The following SORBS2 variants were observed in gnomAD, a reference collection of about 807,000 sequenced individuals.
The protein encoded by SORBS2 is sorbin and SH3 domain containing 2, also known as sorbin and SH3 domain-containing protein 2.
Under a neutral mutation model 97.7 loss-of-function variants are expected in SORBS2, and 46 were observed. The observed-to-expected ratio is 0.47, with a 90% CI of 0.37 to 0.60. The LOEUF is 0.60. SORBS2 is among the 20% of genes least tolerant of loss of function. The pLI, the probability that SORBS2 is intolerant of heterozygous loss-of-function variation, is 0.00. For synonymous variants in SORBS2, 476 were observed against 473.4 expected (o/e 1.01, Z -0.07); for missense variants, 1,316 against 1,282.3 (o/e 1.03, Z -0.40).
chr4:185,872,882 A>T (rs1165007708), intron 1 of SORBS2, among the ~76,000 whole-genome samples: 2 of 152,074 alleles, frequency 1.3e-5, no homozygotes, highest in Non-Finnish European at 2.9e-5. Context: ...GCTGTGACTG[A>T]TCTCACCTTC....
intron 14 of SORBS2, chr4:185,589,008 A>G (rs1417669610): frequency 6.6e-6 from 1 of 152,088 alleles, no homozygotes; most frequent in African/African-American, 2.4e-5. Flanking sequence ...GGATGTCTAG[A>G]GTGAGCCCTC....
intron 1 of SORBS2, among the ~76,000 whole-genome samples, chr4:185,887,149 A>G (rs1318087988): frequency 1.3e-5 from 2 of 152,230 alleles, no homozygotes; most frequent in African/African-American, 4.8e-5. Context: ...CCACGAGCCC[A>G]TATAATAAAC....
chr4:185,899,249 C>A (rs1165566798), intron 1 of SORBS2, among the ~76,000 whole-genome samples: 1 of 152,080 alleles, frequency 6.6e-6, no homozygotes, highest in Non-Finnish European at 1.5e-5. Context: ...AGCGGATAAT[C>A]CAAGCTGGGA....
Position 185,780,900 on chromosome 4 carries a change from A to G in SORBS2, c.-337-5534T>C, listed in dbSNP as rs1331696195. Among the ~76,000 whole-genome samples, 4 of 152,096 alleles carry G rather than the reference A, an allele frequency of 2.6e-5. No homozygotes were observed. The East Asian group carries it at 5.8e-4, about 22-fold the overall frequency. Reference sequence around the variant, plus strand: ...TCTTAAAACCTCTGTTAGAAGCTCAATTTTCTAGTTGAAACTTTGTTTCAT... The same window carrying G: ...TCTTAAAACCTCTGTTAGAAGCTCAGTTTTCTAGTTGAAACTTTGTTTCAT... On this transcript the variant is annotated intron_variant, in intron 1 of 20. Transcript: ENST00000284776.
intron 2 of SORBS2, among the ~76,000 whole-genome samples, chr4:185,741,724 G>T (rs2098728492): frequency 6.6e-6 from 1 of 151,766 alleles, no homozygotes; most frequent in African/African-American, 2.4e-5. Flanking sequence ...CAGCAACAGG[G>T]TCTACATAAA....
At chr4:185,676,658 T>G (rs375597065) in intron 4 of SORBS2, among the ~76,000 whole-genome samples, 2 of 152,224 alleles carry the variant, frequency 1.3e-5, no homozygotes, top group African/African-American at 4.8e-5. Flanking sequence ...AAATATTTCT[T>G]TGAAACCTAA....
chr4:185,619,252 G>C (rs1384942098), intron 8 of SORBS2, among the ~76,000 whole-genome samples: 1 of 152,028 alleles, frequency 6.6e-6, no homozygotes, highest in East Asian at 1.9e-4. Flanking sequence ...TCAAACTCTG[G>C]GGGCCACAGA....
At chr4:185,830,072 A>C (rs910999508) in intron 1 of SORBS2, among the ~76,000 whole-genome samples, 2 of 152,228 alleles carry the variant, frequency 1.3e-5, no homozygotes, top group Non-Finnish European at 2.9e-5. Flanking sequence ...TAGTGTTAAG[A>C]GGCACAGTTG....
chr4:185,797,171 C>T (rs192373917), intron 1 of SORBS2, among the ~76,000 whole-genome samples: 16 of 152,276 alleles, frequency 1.1e-4, no homozygotes, highest in Middle Eastern at 3.4e-3. Context: ...CTGTCTGTGC[C>T]GAAGACTGTT....
chr4:185,623,801 G>A lies in SORBS2; in HGVS notation c.1328C>T (p.Pro443Leu), dbSNP rs758924753. The change falls in exon 7 of 15, where the codon CCG becomes CTG. Residue 443 changes from proline (P) to leucine (L), a missense_variant. Coordinates refer to ENST00000418609, the Ensembl canonical transcript of SORBS2. The surrounding 1 kb of genome is among the most constrained non-coding windows in gnomAD (Gnocchi z 6.4). ...CCTCTTGGGACATAGGCCATTTTGC[G>A]GTGGTTCTAGGGTTACGGGAGACAG... The A allele has an allele frequency of 3.1e-6, 5 of 1,614,054 alleles. No homozygotes were observed. The South Asian group carries it at 3.3e-5, about 11-fold the overall frequency.
At chr4:185,851,822 C>G (rs971908497) in intron 1 of SORBS2, among the ~76,000 whole-genome samples, 3 of 152,136 alleles carry the variant, frequency 2.0e-5, no homozygotes, top group African/African-American at 7.2e-5. Flanking sequence ...GACTCCAAGT[C>G]CTTCAGTTTT....
intron 1 of SORBS2, among the ~76,000 whole-genome samples, chr4:185,928,666 C>T (rs1219874559): frequency 6.6e-6 from 1 of 152,122 alleles, no homozygotes; most frequent in Non-Finnish European, 1.5e-5. Context: ...CTGCCTCATC[C>T]TCCCGAGTAG....
rs141650382 is a variant in SORBS2, at chr4:185,856,864, G to A, written c.-337-81498C>T. ...AGAAGCAAGGCACATCTCACAAGGT[G>A]GCAGGAGAGAGCGTGTAAGAGAAAG... is the stretch of plus-strand genomic sequence containing the variant. On this transcript the variant is annotated intron_variant, in intron 1 of 20. Coordinates refer to the SORBS2 transcript ENST00000284776. 2.4e-3 allele frequency among the ~76,000 whole-genome samples: 363 copies of A among 152,278 alleles called. 2 individuals carry two copies. The highest frequency in any genetic ancestry group is 2.9e-3 in the Non-Finnish European group (197 of 68,022).
chr4:185,647,201 C>T (rs187839006), intron 3 of SORBS2, among the ~76,000 whole-genome samples: 53 of 152,116 alleles, frequency 3.5e-4, no homozygotes, highest in African/African-American at 1.2e-3. Context: ...TGTGGGTTGG[C>T]GTGCACCAGA....
chr4:185,840,677 C>T (rs1171224790), intron 1 of SORBS2, among the ~76,000 whole-genome samples: 1 of 152,178 alleles, frequency 6.6e-6, no homozygotes, highest in Non-Finnish European at 1.5e-5. Flanking sequence ...CACACCCAGC[C>T]TTTAAAAAAT....
chr4:185,808,655 C>T (rs2099166714), intron 1 of SORBS2, among the ~76,000 whole-genome samples: 1 of 152,158 alleles, frequency 6.6e-6, no homozygotes, highest in Non-Finnish European at 1.5e-5. Context: ...TAGTGATTTC[C>T]AGTCACCTTT....
chr4:185,755,619 G>T (rs2098826191), intron 2 of SORBS2, among the ~76,000 whole-genome samples: 1 of 152,180 alleles, frequency 6.6e-6, no homozygotes, highest in South Asian at 2.1e-4. Flanking sequence ...TCTCATAGAG[G>T]TTGGAAGTAG....
At chr4:185,718,268 T>C (rs1414522132) in intron 2 of SORBS2, among the ~76,000 whole-genome samples, 1 of 151,868 alleles carries the variant, frequency 6.6e-6, no homozygotes, top group East Asian at 1.9e-4. Context: ...CTTAGAAAAA[T>C]AGCTGGCGCA....
At chr4:185,922,674 T>C (rs1376869784) in intron 1 of SORBS2, among the ~76,000 whole-genome samples, 1 of 152,250 alleles carries the variant, frequency 6.6e-6, no homozygotes, top group Non-Finnish European at 1.5e-5. Context: ...TATCATTTCC[T>C]TTCCATTTTC....
Sources: allele counts gnomAD v4.1 joint callset (sites outside exome capture counted in the v4.1 genomes callset), GRCh38; gene constraint gnomAD v4.1.1; non-coding constraint Gnocchi (gnomAD v3.1); transcripts MANE v1.5; gene names NCBI Gene and HGNC (gene_info 2026-07-23, HGNC 2026-07-21).